DIS3L2: variants seen among roughly 807,000 people sequenced by gnomAD.
The protein encoded by DIS3L2 is DIS3 like 3'-5' exoribonuclease 2, also known as DIS3-like exonuclease 2.
In DIS3L2, 34 loss-of-function variants were observed where a neutral mutation model predicts 97.5. The observed-to-expected ratio is 0.35, with a 90% CI of 0.27 to 0.46. DIS3L2 has a LOEUF of 0.46. Ranked by LOEUF, DIS3L2 falls within the 20% of genes least tolerant of loss-of-function variation. The pLI, the probability that DIS3L2 is intolerant of heterozygous loss-of-function variation, is 1.00. For missense variants in DIS3L2, 1,038 were observed against 1,146.0 expected, an observed-to-expected ratio of 0.91 and a Z score of 1.36; for synonymous variants, 435 against 445.2, an observed-to-expected ratio of 0.98 and a Z score of 0.29.
intron 14 of DIS3L2, 28 bp from the exon 15 acceptor site, chr2:232,329,785 T>TGCCCGGGGGCC: frequency 5.2e-6 from 5 of 967,136 alleles, no homozygotes; most frequent in Middle Eastern, 3.5e-4. Context: ...ACCCCAGCGG[T>TGCCCGGGGGCC]CCCTCCCATC....
chr2:232,216,378 C>T (rs1559159107), intron 10 of DIS3L2, among the ~76,000 whole-genome samples: 1 of 152,212 alleles, frequency 6.6e-6, no homozygotes, highest in Non-Finnish European at 1.5e-5. Context: ...CTTTTTAACT[C>T]ATCTTTCACT....
intron 11 of DIS3L2, among the ~76,000 whole-genome samples, chr2:232,243,806 G>C (rs1693173106): frequency 6.6e-6 from 1 of 152,222 alleles, no homozygotes; most frequent in Non-Finnish European, 1.5e-5. Context: ...CTCGGAGATA[G>C]GGTCCTTCTC....
At chr2:232,146,453 CA>C (rs1476255222) in intron 8 of DIS3L2, among the ~76,000 whole-genome samples, 2 of 152,110 alleles carry the variant, frequency 1.3e-5, no homozygotes, top group Non-Finnish European at 2.9e-5. Context: ...AGTGGGAATT[CA>C]AAGGTTGTGC....
chr2:232,000,280 G>A (rs1056450483), intron 1 of DIS3L2, among the ~76,000 whole-genome samples: 1 of 152,112 alleles, frequency 6.6e-6, no homozygotes, highest in East Asian at 1.9e-4. Context: ...CACAGACACA[G>A]AATTCATGGA....
At chr2:232,333,756 G>GAAGATAACC in intron 16 of DIS3L2, 84 bp from the exon 17 acceptor site, 15 of 1,487,182 alleles carry the variant, frequency 1.0e-5, no homozygotes, top group South Asian at 4.1e-5. Flanking sequence ...CGCTGCCGAC[G>GAAGATAACC]GTGAGGCTGT....
At chr2:232,046,974 GTTCAGACA>G (rs1309698842) in intron 5 of DIS3L2, among the ~76,000 whole-genome samples, 1 of 152,114 alleles carries the variant, frequency 6.6e-6, no homozygotes, top group East Asian at 1.9e-4. Context: ...TTAATATTAA[GTTCAGACA>G]ATCATGTCAT....
chr2:232,038,833 G>C (rs577158228), intron 5 of DIS3L2, among the ~76,000 whole-genome samples: 1 of 152,134 alleles, frequency 6.6e-6, no homozygotes, highest in South Asian at 2.1e-4. Context: ...TTTTTTCTTG[G>C]ACAAAAATCA....
At chr2:232,058,538 A>T (rs756498960) in intron 5 of DIS3L2, among the ~76,000 whole-genome samples, 2 of 152,152 alleles carry the variant, frequency 1.3e-5, no homozygotes, top group South Asian at 4.1e-4. Flanking sequence ...AATGTCTACT[A>T]TGCCTAACCT....
At chr2:232,298,938 C>T (rs983807581) in intron 13 of DIS3L2, among the ~76,000 whole-genome samples, 1 of 152,202 alleles carries the variant, frequency 6.6e-6, no homozygotes, top group East Asian at 1.9e-4. Context: ...AGTTCCTGTT[C>T]CTGATCTTCC....
chr2:232,218,625 C>T (rs1198784797), intron 10 of DIS3L2, among the ~76,000 whole-genome samples: 1 of 152,202 alleles, frequency 6.6e-6, no homozygotes, highest in African/African-American at 2.4e-5. Context: ...TGTTTCTTCT[C>T]CGCCTCTTGC....
At chr2:231,969,558 G>A (rs985998790) in intron 1 of DIS3L2, among the ~76,000 whole-genome samples, 3 of 152,064 alleles carry the variant, frequency 2.0e-5, no homozygotes, top group Admixed American at 1.3e-4. Context: ...TGATCTGTCC[G>A]CCTCAGCCTC....
Position 232,220,112 on chromosome 2 carries a change from AAAATAAATAAATAAATAAATAAATAAAT to A in DIS3L2, c.1204+9730_1204+9757del, listed in dbSNP as rs59785632. On this transcript the variant is annotated intron_variant, in intron 10 of 20. Transcript: ENST00000325385. ...CGTAGCAAAACCCAGTCTCTACAGA[AAAATAAATAAATAAATAAATAAATAAAT>A]AAATAAATAAATAAATAAATAAGCT... Among the ~76,000 whole-genome samples the A allele has an allele frequency of 3.5e-3, 487 of 139,158 alleles. 2 individuals are homozygous for A. The highest frequency in any genetic ancestry group is 0.025 in the Middle Eastern group (7 of 280). 91.3% of individuals were successfully genotyped at this position (139,158 alleles called of 152,430 possible). A position where few individuals can be genotyped will look rare whatever the true frequency, so the allele number is the denominator to read the frequency against.
intron 5 of DIS3L2, among the ~76,000 whole-genome samples, chr2:232,074,104 T>C (rs907938621): frequency 6.6e-6 from 1 of 152,250 alleles, no homozygotes; most frequent in Admixed American, 6.5e-5. Context: ...ACTGGAGTTA[T>C]AATTTAGATA....
intron 5 of DIS3L2, among the ~76,000 whole-genome samples, chr2:232,041,239 C>G (rs1351608492): frequency 1.3e-5 from 2 of 152,164 alleles, no homozygotes; most frequent in Non-Finnish European, 2.9e-5. Flanking sequence ...TTGCAGCTTG[C>G]TGTTCAAGGC....
chr2:232,208,980 CA>C (rs761334246), intron 9 of DIS3L2, among the ~76,000 whole-genome samples: 4 of 149,022 alleles, frequency 2.7e-5, no homozygotes, highest in African/African-American at 4.9e-5. Context: ...GTGAGCCATA[CA>C]AAAAAAAAGG....
chr2:232,265,278 G>A (rs930437840), intron 13 of DIS3L2, among the ~76,000 whole-genome samples: 1 of 152,114 alleles, frequency 6.6e-6, no homozygotes, highest in Non-Finnish European at 1.5e-5. Flanking sequence ...CACCACTTTA[G>A]GGTTGGCATT....
rs111377590 is a variant in DIS3L2, at chr2:232,325,798, C to T, written c.1740-4015C>T. Reference sequence around the variant, plus strand: ...CCCTGAGCTCCAGCGCCCCATCCCCCGCAGGGCCCAGTGATCTCACGCCTG... The same window carrying T: ...CCCTGAGCTCCAGCGCCCCATCCCCTGCAGGGCCCAGTGATCTCACGCCTG... On this transcript the variant is annotated intron_variant, in intron 14 of 20. Transcript: ENST00000325385. This position sits in a 1 kb window ranked among gnomAD's most constrained non-coding sequence, Gnocchi z 4.6. Among the ~76,000 whole-genome samples the T allele has an allele frequency of 7.9e-5, 12 of 152,350 alleles. No individual in the cohort carries two copies. Among genetic ancestry groups the T allele is most frequent in the East Asian group, 3.9e-4 (2 of 5,186 alleles).
At chr2:232,274,849 C>T (rs1191715681) in intron 13 of DIS3L2, among the ~76,000 whole-genome samples, 1 of 152,224 alleles carries the variant, frequency 6.6e-6, no homozygotes, top group African/African-American at 2.4e-5. Context: ...GACATAATTT[C>T]ACAATATGGA....
chr2:232,136,592 G>A lies in DIS3L2; in HGVS notation c.823G>A (p.Val275Met), dbSNP rs560705101. The A allele has an allele frequency of 6.2e-6, 10 of 1,614,028 alleles. No individual in the cohort carries two copies. In the South Asian group the frequency reaches 7.7e-5, roughly 12 times the overall value. The change falls in exon 8 of 21, where the codon GTG becomes ATG. Residue 275 changes from valine to methionine, a missense_variant. Physicochemically the swap from Val to Met is conservative, Grantham distance 21. Transcript: ENST00000325385. The stretch of plus-strand genomic sequence containing the variant: ...CCTGTTTTCTCCCTCAGACCACCGA[G>A]TGCCTAGAATTTATGTGCCTCTCAA... ...YALFSPSDHR[V>M]PRIYVPLKDC...
Sources: gnomAD v4.1 joint callset for allele counts (sites outside exome capture counted in the v4.1 genomes callset) on GRCh38, gnomAD v4.1.1 for gene constraint, Gnocchi (gnomAD v3.1) non-coding constraint, MANE v1.5 for transcripts, NCBI Gene and HGNC (gene_info 2026-07-23, HGNC 2026-07-21) for gene names.